The following PIP5K1C variants were observed in gnomAD, a reference collection of about 807,000 sequenced individuals.
PIP5K1C encodes phosphatidylinositol 4-phosphate 5-kinase type-1 gamma.
A neutral mutation model predicts 80.1 loss-of-function variants in PIP5K1C; 45 were observed. The observed-to-expected ratio is 0.56, with a 90% CI of 0.44 to 0.72. PIP5K1C has a LOEUF of 0.72. Ranked by LOEUF, PIP5K1C falls within the 30% of genes least tolerant of loss-of-function variation. The pLI is 0.00. For synonymous variants in PIP5K1C, 498 were observed against 420.1 expected (o/e 1.19, Z -2.27); for missense variants, 753 against 954.6 (o/e 0.79, Z 2.78).
In PIP5K1C at chr19:3,633,461, C is replaced by CG. The variant is rs748532409; in HGVS notation, c.1979dup (p.Ala661GlyfsTer81). 3.5e-4 allele frequency: 527 copies of CG among 1,501,830 alleles called. 1 individual carries two copies. The highest frequency in any genetic ancestry group is 1.3e-3 in the Middle Eastern group (7 of 5,510). 93.0% of individuals were successfully genotyped at this position (1,501,830 alleles called of 1,614,324 possible). A position where few individuals can be genotyped will look rare whatever the true frequency, so the allele number is the denominator to read the frequency against. ...CTGTGTCGCTCTCGCCGTCGGAGGC[C>CG]GGGGGGGCCTGGGCGCTATAGTGGA... On this transcript the variant is annotated frameshift_variant, in exon 17 of 18. Transcript: ENST00000335312. LOFTEE classifies it high-confidence loss of function.
intron 13 of PIP5K1C, 23 bp from the exon 14 acceptor site, chr19:3,642,962 T>A (rs2034034067): frequency 6.2e-7 from 1 of 1,613,198 alleles, no homozygotes; most frequent in Non-Finnish European, 8.5e-7. Flanking sequence ...AGCAAACACG[T>A]GACACCCAGA....
intron 5 of PIP5K1C, among the ~76,000 whole-genome samples, 155 bp downstream of exon 5, chr19:3,660,811 G>C (rs996024346): frequency 6.6e-6 from 1 of 151,888 alleles, no homozygotes; most frequent in Non-Finnish European, 1.5e-5. Context: ...TGCTTTCCCG[G>C]TGAGTCTCAC....
rs1279929825 is a variant in PIP5K1C, at chr19:3,688,581, T to A, written c.94+11716A>T. 6.6e-6 allele frequency among the ~76,000 whole-genome samples: 1 copy of A among 151,970 alleles called. No homozygotes were observed. ...GTCCACTGAGAGCCGCGTGTGTTTT[T>A]TGCGGTTTTGCTGGTGATTCTGCTG... On this transcript the variant is annotated intron_variant, in intron 1 of 17. Transcript: ENST00000335312. This position sits in a 1 kb window ranked among gnomAD's most constrained non-coding sequence, Gnocchi z 5.3.
At chr19:3,670,883 G>A (rs59731858) in intron 1 of PIP5K1C, among the ~76,000 whole-genome samples, 43,097 of 152,086 alleles carry the variant, frequency 0.28, 7,048 homozygotes, top group African/African-American at 0.46. Flanking sequence ...AGGGAAAGAC[G>A]GGCTGCTTCT....
intron 1 of PIP5K1C, among the ~76,000 whole-genome samples, chr19:3,685,473 G>A (rs1030126658): frequency 9.2e-5 from 14 of 152,190 alleles, no homozygotes; most frequent in Non-Finnish European, 1.8e-4. Context: ...GCTCATGCCT[G>A]TAATCCCAGC....
At chr19:3,652,397 C>T (rs2034485494) in intron 7 of PIP5K1C, among the ~76,000 whole-genome samples, 1 of 152,250 alleles carries the variant, frequency 6.6e-6, no homozygotes, top group Non-Finnish European at 1.5e-5. Flanking sequence ...ACAGGTGACA[C>T]CCAGGTGGGT....
chr19:3,640,132 A>G (rs1230889485), intron 15 of PIP5K1C, among the ~76,000 whole-genome samples: 3 of 152,250 alleles, frequency 2.0e-5, no homozygotes, highest in Admixed American at 2.0e-4. Flanking sequence ...ATACAAAAGC[A>G]TCTCAGGCAA....
intron 3 of PIP5K1C, among the ~76,000 whole-genome samples, chr19:3,663,234 C>T (rs2034896894): frequency 6.6e-6 from 1 of 152,228 alleles, no homozygotes; most frequent in Admixed American, 6.5e-5. Context: ...GCCATGTTCA[C>T]TTTAGCCCTG....
At chr19:3,658,066 G>A (rs559675007) in intron 5 of PIP5K1C, among the ~76,000 whole-genome samples, 207 of 152,334 alleles carry the variant, frequency 1.4e-3, no homozygotes, top group Non-Finnish European at 2.5e-3. Flanking sequence ...AGAGGACGCC[G>A]GAAACATGAG....
intron 3 of PIP5K1C, among the ~76,000 whole-genome samples, 192 bp downstream of exon 3, chr19:3,664,630 C>T (rs1176469359): frequency 6.6e-6 from 1 of 152,250 alleles, no homozygotes; most frequent in East Asian, 1.9e-4. Context: ...GGCCGCCCGG[C>T]AAGGACAGCA....
intron 1 of PIP5K1C, among the ~76,000 whole-genome samples, chr19:3,676,442 T>A (rs1394063447): frequency 6.6e-6 from 1 of 152,198 alleles, no homozygotes; most frequent in Non-Finnish European, 1.5e-5. Flanking sequence ...AATCACAATG[T>A]TTTGGAGAAA....
chr19:3,688,756 G>C lies in PIP5K1C; in HGVS notation c.94+11541C>G, dbSNP rs1474361380. ...AAAGAGAGAGAGAGAGAGGAGAGTG[G>C]GGGGAGAACGAGAGCGAGAGACACA... is the stretch of plus-strand genomic sequence containing the variant. On this transcript the variant is annotated intron_variant, in intron 1 of 17. Transcript: ENST00000335312. The surrounding 1 kb of genome is among the most constrained non-coding windows in gnomAD (Gnocchi z 5.3). Among the ~76,000 whole-genome samples the C allele has an allele frequency of 6.6e-6, 1 of 152,038 alleles. No homozygotes were observed. Among genetic ancestry groups the C allele is most frequent in the Non-Finnish European group, 1.5e-5 (1 of 67,986 alleles).
Position 3,656,497 on chromosome 19 carries a change from A to G in PIP5K1C, c.529T>C (p.Phe177Leu). The part of the protein sequence containing the change: ...LSNPGASGSL[F>L]YVTSDDEFII... ...AACTCGTCGTCGCTGGTGACGTAGA[A>G]GAGGGAGCCACTGGCGCCCGGGTTG... The change falls in exon 6 of 18, where the codon TTC (phenylalanine) becomes CTC (leucine). Residue 177 changes from phenylalanine to leucine, a missense_variant. Around this residue, in one of 6 missense-constraint regions of PIP5K1C, gnomAD observed 139 missense variants for 289.7 expected, o/e 0.48. Transcript: ENST00000335312. The G allele has an allele frequency of 6.2e-7, 1 of 1,613,774 alleles. No homozygotes were observed. The highest frequency in any genetic ancestry group is 8.5e-7 in the Non-Finnish European group (1 of 1,180,002).
chr19:3,638,792 C>A, intron 16 of PIP5K1C, 92 bp downstream of exon 16: 1 of 1,529,178 alleles, frequency 6.5e-7, no homozygotes, highest in Non-Finnish European at 9.0e-7. Flanking sequence ...TGCCTGTGTG[C>A]AGGTGTGTGT....
rs146895233 is a variant in PIP5K1C, at chr19:3,657,193, T to A, written c.469-636A>T. Among the ~76,000 whole-genome samples the A allele has an allele frequency of 3.0e-3, 464 of 152,190 alleles. 4 individuals carry two copies. Among genetic ancestry groups the A allele is most frequent in the African/African-American group, 0.011 (447 of 41,538 alleles). On this transcript the variant is annotated intron_variant, in intron 5 of 17. Coordinates refer to ENST00000335312, the MANE Select transcript of PIP5K1C (RefSeq NM_012398.3). ...TTCTCTGCCCCTTTTTCTCAGCCCC[T>A]GCTGTTTGTTTCATGATGTGCTCGC...
intron 1 of PIP5K1C, among the ~76,000 whole-genome samples, chr19:3,682,517 C>A (rs1049592341): frequency 6.6e-6 from 1 of 151,920 alleles, no homozygotes; most frequent in African/African-American, 2.4e-5. Context: ...TAGCAAGACC[C>A]CACCTCTTCA....
Position 3,648,948 on chromosome 19 carries a change from C to A in PIP5K1C, c.1128-240G>T, listed in dbSNP as rs973368314. On this transcript the variant is annotated intron_variant, in intron 8 of 17. Transcript: ENST00000335312. The surrounding 1 kb of genome is among the most constrained non-coding windows in gnomAD (Gnocchi z 4.3). The stretch of plus-strand genomic sequence containing the variant: ...CCCAGCTAGGAGGCCTGGGCACATA[C>A]CCCCTACACACACGTGTGCCTGGAC... 2.0e-5 allele frequency among the ~76,000 whole-genome samples: 3 copies of A among 152,138 alleles called. No homozygotes were observed. The highest frequency in any genetic ancestry group is 4.4e-5 in the Non-Finnish European group (3 of 67,992).
At position 3,667,307 on chromosome 19, in the gene PIP5K1C, G is replaced by A. The variant is rs747455271; in HGVS notation, c.126+15C>T. ...GGTGGGGACCCCAGGCCCTTCGTCC[G>A]CTCCAGACACTCACCTCTGTTGGGG... On this transcript the variant is annotated intron_variant, in intron 2 of 17. Coordinates refer to ENST00000335312, the MANE Select transcript of PIP5K1C (RefSeq NM_012398.3). 42 of 1,611,484 alleles carry A rather than the reference G, an allele frequency of 2.6e-5. No homozygotes were observed. Among genetic ancestry groups the A allele is most frequent in the Non-Finnish European group, 3.2e-5 (38 of 1,179,002 alleles).
chr19:3,637,868 T>C lies in PIP5K1C; in HGVS notation c.1920+1016A>G. On this transcript the variant is annotated intron_variant, in intron 16 of 17. Transcript: ENST00000335312. The surrounding 1 kb of genome is among the most constrained non-coding windows in gnomAD (Gnocchi z 7.0). ...CACGACATGGCCCCCAGGCCCCCCG[T>C]ACCATCCGGAGACCAGGACGCGCAC... 2 of 1,535,214 alleles carry C rather than the reference T, an allele frequency of 1.3e-6. No homozygotes were observed. The highest frequency in any genetic ancestry group is 1.7e-6 in the Non-Finnish European group (2 of 1,146,640).
Sources: gnomAD v4.1 joint callset for allele counts (sites outside exome capture counted in the v4.1 genomes callset) on GRCh38, gnomAD v4.1.1 for gene constraint, gnomAD v4.1.1 regional missense constraint, Gnocchi (gnomAD v3.1) non-coding constraint, MANE v1.5 for transcripts, NCBI Gene and HGNC (gene_info 2026-07-23, HGNC 2026-07-21) for gene names.